VIP: variants seen among roughly 807,000 people sequenced by gnomAD.
VIP encodes the protein VIP peptides.
In VIP, 18 loss-of-function variants were observed where a neutral mutation model predicts 20.1. That is an observed-to-expected ratio of 0.90 (90% CI 0.62 to 1.33). The LOEUF (loss-of-function observed/expected upper bound fraction) is 1.33, where lower values mean the gene tolerates loss of function less well. Ranked by LOEUF, VIP falls within the 40% of genes most tolerant of loss-of-function variation. The pLI, the probability that VIP is intolerant of heterozygous loss-of-function variation, is 0.00. For synonymous variants in VIP, 70 were observed against 68.1 expected, an observed-to-expected ratio of 1.03 and a Z score of -0.14; for missense variants, 209 against 199.4, an observed-to-expected ratio of 1.05 and a Z score of -0.29.
intron 2 of VIP, among the ~76,000 whole-genome samples, chr6:152,752,836 A>G (rs767675352): frequency 5.3e-5 from 8 of 152,118 alleles, no homozygotes; most frequent in Non-Finnish European, 1.2e-4. Flanking sequence ...ATTTTGATAT[A>G]CTTTGTTTGG....
intron 1 of VIP, among the ~76,000 whole-genome samples, chr6:152,751,506 A>G (rs1200724234): frequency 6.6e-6 from 1 of 152,028 alleles, no homozygotes; most frequent in East Asian, 1.9e-4. Context: ...TTTAATATAT[A>G]TTTTCCTCTT....
Position 152,752,229 on chromosome 6 carries a change from G to T in VIP, c.52G>T (p.Val18Leu), listed in dbSNP as rs760172079. ...CCTTGTGCTCCTGACTCTTCTCAGT[G>T]TGCTCTTCTCACAGACTTCGGCATG... ...QLLVLLTLLS[V>L]LFSQTSAWPL... The change falls in exon 2 of 7, where the codon GTG becomes TTG. Residue 18 changes from valine to leucine, a missense_variant. By Grantham distance (32) the Val-to-Leu change is conservative. Transcript: ENST00000367244. 6.2e-7 allele frequency: 1 copy of T among 1,613,594 alleles called. No homozygotes were observed. Among genetic ancestry groups the T allele is most frequent in the East Asian group, 2.2e-5 (1 of 44,860 alleles).
intron 2 of VIP, among the ~76,000 whole-genome samples, chr6:152,752,957 A>G (rs1438449535): frequency 6.6e-6 from 1 of 152,168 alleles, no homozygotes; most frequent in East Asian, 1.9e-4. Flanking sequence ...AAAGAAGTAA[A>G]CAATAAATGA....
rs1044151769 is a variant in VIP, at chr6:152,757,104, G to C, written c.476G>C (p.Gly159Ala). Residue 159 changes from glycine (G) to alanine (A), a missense_variant, in exon 6 of 7, where the codon GGA becomes GCA. By Grantham distance (60) the Gly-to-Ala change is moderately conservative. Coordinates refer to ENST00000367244, the MANE Select transcript of VIP (RefSeq NM_003381.4). ...SILNGKRSSEGESPDFPEELE... is the reference protein window; with the variant it reads ...SILNGKRSSEAESPDFPEELE... ...GTTTTTCTGGTCTGCAGCAGTGAGG[G>C]AGAATCTCCCGACTTTCCAGAAGAG... 1.9e-6 allele frequency: 3 copies of C among 1,611,742 alleles called. No individual in the cohort carries two copies. Among genetic ancestry groups the C allele is most frequent in the African/African-American group, 2.7e-5 (2 of 74,786 alleles).
intron 1 of VIP, among the ~76,000 whole-genome samples, chr6:152,751,949 A>G (rs2099729715): frequency 6.6e-6 from 1 of 152,178 alleles, no homozygotes; most frequent in Non-Finnish European, 1.5e-5. Flanking sequence ...ATGTGCCCAG[A>G]CAGCAGGTGA....
chr6:152,755,461 G>A, intron 4 of VIP, 88 bp downstream of exon 4: 2 of 829,406 alleles, frequency 2.4e-6, no homozygotes, highest in Non-Finnish European at 3.5e-6. Flanking sequence ...TATTTACTTT[G>A]TTTGAAATTG....
At chr6:152,756,535 G>T (rs774756537) in intron 5 of VIP, among the ~76,000 whole-genome samples, 1 of 151,850 alleles carries the variant, frequency 6.6e-6, no homozygotes, top group Non-Finnish European at 1.5e-5. Context: ...ACTTTACTAT[G>T]CTGCCAGTGT....
Position 152,752,162 on chromosome 6 carries a change from C to A in VIP, c.-10-6C>A, listed in dbSNP as rs369239806. The A allele has an allele frequency of 1.2e-6, 2 of 1,608,150 alleles. No homozygotes were observed. Among genetic ancestry groups the A allele is most frequent in the South Asian group, 1.1e-5 (1 of 90,882 alleles). On this transcript the variant is annotated splice_region_variant and splice_polypyrimidine_tract_variant and intron_variant, in intron 1 of 6. Coordinates refer to ENST00000367244, the MANE Select transcript of VIP (RefSeq NM_003381.4). ...TGGAAGAACTGAGGTGATTCTCTCTCTTTAGAGGCACAGAAATGGACACCA... is the reference window on the plus strand; with the variant it reads ...TGGAAGAACTGAGGTGATTCTCTCTATTTAGAGGCACAGAAATGGACACCA...
In VIP at chr6:152,750,881, T is replaced by A. The variant is rs946305196; in HGVS notation, c.-89T>A. ...CAGAGAACTGGTGGAGCCTTTCTCT[T>A]ACTCCCAGGACTTCAGCACCTAAGA... is the stretch of plus-strand genomic sequence containing the variant. On this transcript the variant is annotated 5_prime_UTR_variant, in exon 1 of 7. Transcript: ENST00000367244. The A allele has an allele frequency of 2.6e-5, 4 of 152,196 alleles. No individual in the cohort carries two copies. The highest frequency in any genetic ancestry group is 4.4e-5 in the Non-Finnish European group (3 of 68,066). The allele number at this position is 152,196 out of a possible 1,614,324, so 9.4% of individuals were successfully genotyped here. A position where few individuals can be genotyped will look rare whatever the true frequency, so the allele number is the denominator to read the frequency against.
At chr6:152,751,956 G>A (rs1333586977) in intron 1 of VIP, among the ~76,000 whole-genome samples, 1 of 152,144 alleles carries the variant, frequency 6.6e-6, no homozygotes, top group African/African-American at 2.4e-5. Context: ...CAGACAGCAG[G>A]TGAAAAGGAT....
chr6:152,754,293 G>A lies in VIP; in HGVS notation c.230+5G>A. The A allele has an allele frequency of 6.3e-7, 1 of 1,586,092 alleles. No homozygotes were observed. The highest frequency in any genetic ancestry group is 8.6e-7 in the Non-Finnish European group (1 of 1,167,652). ...ACCCTATTATGATGTATCCAGGTGA[G>A]TTTATTTTTATAAAACTATCCAATG... On this transcript the variant is annotated splice_donor_5th_base_variant and intron_variant, in intron 3 of 6. Transcript: ENST00000367244.
At chr6:152,754,046 A>C in intron 2 of VIP, 120 bp from the exon 3 acceptor site, 2 of 1,115,848 alleles carry the variant, frequency 1.8e-6, no homozygotes, top group African/African-American at 3.2e-5. Context: ...TGCTATTCTC[A>C]TATTATGACT....
rs777764945 is a variant in VIP at position 152,754,230 on chromosome 6, A to G, written c.172A>G (p.Ile58Val). 6 of 1,612,074 alleles carry G rather than the reference A, an allele frequency of 3.7e-6. No homozygotes were observed. Among genetic ancestry groups the G allele is most frequent in the Admixed American group, 1.7e-5 (1 of 59,846 alleles). ...TGATCAAGTTTCATTAAAAGAAGAC[A>G]TTGACATGTTGCAAAATGCATTAGC... ...EPDQVSLKED[I>V]DMLQNALAEN... is the part of the protein sequence containing the mutation. Residue 58 changes from isoleucine (I) to valine (V), a missense_variant, in exon 3 of 7, where the codon ATT becomes GTT. Ile to Val is a conservative substitution (Grantham distance 29). Coordinates refer to ENST00000367244, the MANE Select transcript of VIP (RefSeq NM_003381.4).
intron 1 of VIP, 117 bp downstream of exon 1, chr6:152,751,076 A>G (rs987822240): frequency 6.6e-6 from 1 of 152,350 alleles, no homozygotes; most frequent in East Asian, 1.9e-4. Flanking sequence ...CTTTTGCAAC[A>G]GCAAAAAACA....
intron 4 of VIP, 36 bp from the exon 5 acceptor site, chr6:152,756,098 A>G: frequency 6.8e-7 from 1 of 1,476,640 alleles, no homozygotes. Context: ...ATTTCTTGTG[A>G]AAACTCTTTG....
chr6:152,757,133 G>T lies in VIP; in HGVS notation c.505G>T (p.Glu169Ter). The change falls in exon 6 of 7, where the codon GAA (glutamate) becomes TAA (stop). Residue 169 changes from glutamate (E) to a stop codon, truncating the protein, a stop_gained. Coordinates refer to ENST00000367244, the MANE Select transcript of VIP (RefSeq NM_003381.4). LOFTEE classifies it high-confidence loss of function. Reference protein sequence around the residue: ...GESPDFPEELEK With the variant: ...GESPDFPEEL ...ATCTCCCGACTTTCCAGAAGAGTTA[G>T]AAAAATGATGAAAAAGACCTTTGGA... 1 of 1,611,618 alleles carries T rather than the reference G, an allele frequency of 6.2e-7. No homozygotes were observed. Among genetic ancestry groups the T allele is most frequent in the Non-Finnish European group, 8.5e-7 (1 of 1,178,578 alleles).
chr6:152,756,386 A>G (rs1425830991), intron 5 of VIP, 121 bp downstream of exon 5: 2 of 1,179,094 alleles, frequency 1.7e-6, no homozygotes, highest in African/African-American at 3.1e-5. Flanking sequence ...GTGATTTTCA[A>G]CCTTGGCTGA....
chr6:152,756,114 C>A lies in VIP; in HGVS notation c.336-20C>A. 1 of 1,504,764 alleles carries A rather than the reference C, an allele frequency of 6.6e-7. No homozygotes were observed. The highest frequency in any genetic ancestry group is 1.4e-5 in the South Asian group (1 of 70,412). The allele number at this position is 1,504,764 out of a possible 1,614,324, so 93.2% of individuals were successfully genotyped here. ...TTTCTTGTGAAAACTCTTTGATTTC[C>A]TTTTCCTCATGTTCCTTAGCAGTAA... On this transcript the variant is annotated intron_variant, in intron 4 of 6. Coordinates refer to ENST00000367244, the MANE Select transcript of VIP (RefSeq NM_003381.4).
intron 2 of VIP, among the ~76,000 whole-genome samples, chr6:152,753,057 G>C (rs907645301): frequency 3.3e-5 from 5 of 152,030 alleles, no homozygotes; most frequent in Non-Finnish European, 5.9e-5. Flanking sequence ...TTCCTTCTTT[G>C]CTTATTAGGT....
Sources: allele counts gnomAD v4.1 joint callset (sites outside exome capture counted in the v4.1 genomes callset), GRCh38; gene constraint gnomAD v4.1.1; transcripts MANE v1.5; gene names NCBI Gene and HGNC (gene_info 2026-07-23, HGNC 2026-07-21).